P3H2: variants seen among roughly 807,000 people sequenced by gnomAD.
The protein encoded by P3H2 is leprecan-like 1.
P3H2 carries 80 observed loss-of-function variants against 87.0 expected under a neutral mutation model. That is an observed-to-expected ratio of 0.92 (90% confidence interval 0.77 to 1.11). The LOEUF is 1.11. Among genes scored for constraint, P3H2 ranks in the 50% least tolerant of loss-of-function variants. The probability of loss-of-function intolerance (pLI) is 0.00; values close to 1 mark genes in which losing one functional copy is unlikely to be tolerated. For synonymous variants in P3H2, 367 were observed against 359.3 expected, an observed-to-expected ratio of 1.02 and a Z score of -0.24; for missense variants, 1,001 against 923.9, an observed-to-expected ratio of 1.08 and a Z score of -1.08.
intron 13 of P3H2, chr3:189,969,331 G>C: frequency 1.2e-6 from 1 of 863,774 alleles, no homozygotes; most frequent in African/African-American, 1.7e-5. Context: ...TTCTGCTCAA[G>C]AGATAAAACG....
chr3:190,097,420 C>T (rs1553883331), intron 1 of P3H2, among the ~76,000 whole-genome samples: 1 of 152,092 alleles, frequency 6.6e-6, no homozygotes, highest in Non-Finnish European at 1.5e-5. Context: ...AAGAGACTGA[C>T]TTATACCTAC....
At chr3:189,976,137 T>A (rs1723341226) in intron 8 of P3H2, among the ~76,000 whole-genome samples, 1 of 152,234 alleles carries the variant, frequency 6.6e-6, no homozygotes, top group African/African-American at 2.4e-5. Context: ...GTCTGGGTTC[T>A]TTTGAGCCAG....
rs182618842 is a variant in P3H2 at position 190,120,109 on chromosome 3, T to C, written c.480+143A>G. 478 of 925,574 alleles carry C rather than the reference T, an allele frequency of 5.2e-4. 1 individual carries two copies. Among genetic ancestry groups the C allele is most frequent in the Non-Finnish European group, 2.2e-4 (132 of 608,192 alleles). The allele number at this position is 925,574 out of a possible 1,614,324, so 57.3% of individuals were successfully genotyped here. A position where few individuals can be genotyped will look rare whatever the true frequency, so the allele number is the denominator to read the frequency against. ...TGCATACAGAGATAGGGCCACCAGA[T>C]ATCTGGATTCACAAACTGAGACACA... On this transcript the variant is annotated intron_variant, in intron 1 of 14. Coordinates refer to ENST00000319332, the MANE Select transcript of P3H2 (RefSeq NM_018192.4).
intron 1 of P3H2, among the ~76,000 whole-genome samples, chr3:190,011,006 A>T (rs1724568772): frequency 6.6e-6 from 1 of 152,138 alleles, no homozygotes; most frequent in Non-Finnish European, 1.5e-5. Context: ...TGGGAAACAA[A>T]GTTAAGAAAA....
rs537714525 is a variant in P3H2 at position 190,026,362 on chromosome 3, G to A, written c.481-30920C>T. 3.5e-4 allele frequency among the ~76,000 whole-genome samples: 54 copies of A among 152,212 alleles called. 2 individuals are homozygous for A. The South Asian group carries it at 6.2e-3, about 18-fold the overall frequency. On this transcript the variant is annotated intron_variant, in intron 1 of 14. Transcript: ENST00000319332. ...GATGGTTAGGCATTCTAAGTCACAGGATGAGACAGAAAATCAGCACAAGAT... is the reference window on the plus strand; with the variant it reads ...GATGGTTAGGCATTCTAAGTCACAGAATGAGACAGAAAATCAGCACAAGAT...
intron 1 of P3H2, among the ~76,000 whole-genome samples, chr3:190,103,846 C>T (rs991221988): frequency 2.0e-5 from 3 of 151,926 alleles, no homozygotes; most frequent in Admixed American, 1.3e-4. Context: ...GGCTGGGGTG[C>T]AGTGGTGCGA....
intron 7 of P3H2, chr3:189,983,384 C>A: frequency 2.0e-6 from 1 of 512,118 alleles, no homozygotes. Context: ...TAATTGTATG[C>A]ATAACATAAC....
At chr3:189,962,814 C>G (rs909663509) in intron 14 of P3H2, among the ~76,000 whole-genome samples, 1 of 152,136 alleles carries the variant, frequency 6.6e-6, no homozygotes, top group Admixed American at 6.5e-5. Flanking sequence ...GAGAAAAACG[C>G]ATTATTTTTA....
At chr3:190,100,042 G>A (rs1048031251) in intron 1 of P3H2, among the ~76,000 whole-genome samples, 2 of 151,994 alleles carry the variant, frequency 1.3e-5, no homozygotes, top group African/African-American at 2.4e-5. Flanking sequence ...GAGACCAGCC[G>A]GCCCAACATG....
intron 1 of P3H2, among the ~76,000 whole-genome samples, chr3:190,017,583 C>A (rs1343312959): frequency 1.3e-5 from 2 of 152,184 alleles, no homozygotes. Flanking sequence ...GATTTCTCTT[C>A]AGCACATTCA....
chr3:190,105,582 A>C lies in P3H2; in HGVS notation c.480+14670T>G, dbSNP rs535312861. On this transcript the variant is annotated intron_variant, in intron 1 of 14. Coordinates refer to ENST00000319332, the MANE Select transcript of P3H2 (RefSeq NM_018192.4). ...TTCAAGTTTTACTTTAAAGGGATTC[A>C]CTGCCCCAAGATGAGGACCAGCATT... Among the ~76,000 whole-genome samples the C allele has an allele frequency of 2.0e-5, 3 of 152,294 alleles. No individual in the cohort carries two copies. In the South Asian group the frequency reaches 6.2e-4, roughly 32 times the overall value.
Position 189,969,827 on chromosome 3 carries a change from A to C in P3H2, c.1893+989T>G, listed in dbSNP as rs546018509. On this transcript the variant is annotated intron_variant, in intron 13 of 14. Coordinates refer to ENST00000319332, the MANE Select transcript of P3H2 (RefSeq NM_018192.4). Reference sequence around the variant, plus strand: ...CAGGCCTGTTCCACCAATTATTCCAATCTTCATGGCAGTGGTGGTGGTGCT... The same window carrying C: ...CAGGCCTGTTCCACCAATTATTCCACTCTTCATGGCAGTGGTGGTGGTGCT... 4.0e-5 allele frequency: 63 copies of C among 1,588,728 alleles called. No individual in the cohort carries two copies. In the African/African-American group the frequency reaches 6.7e-4, roughly 17 times the overall value.
At chr3:189,968,435 T>G (rs1723067280) in intron 13 of P3H2, among the ~76,000 whole-genome samples, 1 of 152,214 alleles carries the variant, frequency 6.6e-6, no homozygotes, top group African/African-American at 2.4e-5. Context: ...CATCCTTTTT[T>G]ATGGCTGCAT....
At chr3:189,985,842 A>G (rs1344037690) in intron 6 of P3H2, among the ~76,000 whole-genome samples, 3 of 152,112 alleles carry the variant, frequency 2.0e-5, no homozygotes, top group African/African-American at 4.8e-5. Flanking sequence ...ATTGTATGTC[A>G]ATTCTACCTA....
At chr3:190,103,307 T>C (rs939968616) in intron 1 of P3H2, among the ~76,000 whole-genome samples, 35 of 152,356 alleles carry the variant, frequency 2.3e-4, no homozygotes, top group Admixed American at 1.4e-3. Flanking sequence ...ATCAGCCATA[T>C]GTAAATGTTT....
intron 1 of P3H2, among the ~76,000 whole-genome samples, chr3:190,007,965 C>CATATAT (rs1553875103): frequency 6.5e-4 from 61 of 94,354 alleles, no homozygotes; most frequent in African/African-American, 1.7e-3. Flanking sequence ...TGTTGACACA[C>CATATAT]ATATATATAT....
At chr3:189,975,450 C>A (rs1215450597) in intron 8 of P3H2, among the ~76,000 whole-genome samples, 6 of 152,078 alleles carry the variant, frequency 3.9e-5, no homozygotes, top group African/African-American at 1.5e-4. Context: ...AAGGACAAAG[C>A]CTCTGATAGA....
chr3:190,091,862 A>T (rs1052884478), intron 1 of P3H2, among the ~76,000 whole-genome samples: 2 of 152,244 alleles, frequency 1.3e-5, no homozygotes, highest in Non-Finnish European at 2.9e-5. Context: ...GCATAACCTG[A>T]TGTATTAGAA....
At chr3:190,085,483 T>C (rs939477441) in intron 1 of P3H2, among the ~76,000 whole-genome samples, 3 of 152,250 alleles carry the variant, frequency 2.0e-5, no homozygotes, top group African/African-American at 7.2e-5. Context: ...TGACATGTGC[T>C]TGCACAAATT....
Sources: allele counts gnomAD v4.1 joint callset (sites outside exome capture counted in the v4.1 genomes callset), GRCh38; gene constraint gnomAD v4.1.1; transcripts MANE v1.5; gene names NCBI Gene and HGNC (gene_info 2026-07-23, HGNC 2026-07-21).